RBBP5: variants seen among roughly 807,000 people sequenced by gnomAD.
RBBP5 encodes RB binding protein 5, histone lysine methyltransferase complex subunit, also known as retinoblastoma-binding protein 5.
A neutral mutation model predicts 72.2 loss-of-function variants in RBBP5; 5 were observed. The ratio of observed to expected loss-of-function variants is 0.07; its 90% CI spans 0.04 to 0.15. RBBP5 has a LOEUF of 0.15. RBBP5 is among the 10% of genes least tolerant of loss of function. The pLI, the probability that RBBP5 is intolerant of heterozygous loss-of-function variation, is 1.00. For missense variants in RBBP5, 322 were observed against 652.2 expected (o/e 0.49, Z 5.51); for synonymous variants, 209 against 237.2 (o/e 0.88, Z 1.09).
At position 205,086,881 on chromosome 1, in the gene RBBP5, G is replaced by C. The variant is rs1275076689; in HGVS notation, c.*1906C>G. On this transcript the variant is annotated 3_prime_UTR_variant, in exon 14 of 14. Transcript: ENST00000264515. Reference sequence around the variant, plus strand: ...TTTGCACACTGCTGCAGTGTACAGTGCAGAGGACTGGAATGGATATAATGT... The same window carrying C: ...TTTGCACACTGCTGCAGTGTACAGTCCAGAGGACTGGAATGGATATAATGT... 1 of 152,200 alleles carries C rather than the reference G, an allele frequency of 6.6e-6. No homozygotes were observed. Among genetic ancestry groups the C allele is most frequent in the Admixed American group, 6.5e-5 (1 of 15,272 alleles). 9.4% of individuals were successfully genotyped at this position (152,200 alleles called of 1,614,324 possible). A position where few individuals can be genotyped will look rare whatever the true frequency, so the allele number is the denominator to read the frequency against.
intron 3 of RBBP5, among the ~76,000 whole-genome samples, chr1:205,110,295 C>G (rs1016675273): frequency 5.9e-5 from 9 of 152,156 alleles, no homozygotes; most frequent in Non-Finnish European, 1.0e-4. Context: ...GCTGGGATTA[C>G]AGGCATGAGC....
At position 205,121,835 on chromosome 1, in the gene RBBP5, G is replaced by T; in HGVS notation, c.19+20C>A. The T allele has an allele frequency of 6.2e-7, 1 of 1,612,078 alleles. No individual in the cohort carries two copies. On this transcript the variant is annotated intron_variant, in intron 1 of 13. Transcript: ENST00000264515. ...CCAGTACCCAACGCTTCTCTAAAAC[G>T]CAGCCACAGCCCTTCTCACCCAGCA...
intron 6 of RBBP5, 140 bp downstream of exon 6, chr1:205,101,460 A>G: frequency 1.8e-6 from 1 of 563,382 alleles, no homozygotes; most frequent in South Asian, 3.5e-5. Flanking sequence ...CGAAAACCAG[A>G]TATTGTAAGT....
Position 205,096,738 on chromosome 1 carries a change from G to A in RBBP5, c.1340C>T (p.Pro447Leu), listed in dbSNP as rs781101526. 6.8e-6 allele frequency: 11 copies of A among 1,614,040 alleles called. No homozygotes were observed. Among genetic ancestry groups the A allele is most frequent in the Non-Finnish European group, 9.3e-6 (11 of 1,180,024 alleles). The stretch of plus-strand genomic sequence containing the variant: ...GGTTGTTTTGGGTTTCTTCTTAGGT[G>A]GCTGGGACCCATCTGCTGAGGACTG... The part of the protein sequence containing the change: ...KRQSSADGSQ[P>L]PKKKPKTTNI... The change falls in exon 12 of 14, where the codon CCA (proline) becomes CTA (leucine). Residue 447 changes from proline to leucine, a missense_variant. Physicochemically the swap from Pro to Leu is moderately conservative, Grantham distance 98. Around this residue, in one of 6 missense-constraint regions of RBBP5, gnomAD observed 109 missense variants for 146.3 expected, o/e 0.75. Transcript: ENST00000264515.
intron 2 of RBBP5, 141 bp from the exon 3 acceptor site, chr1:205,115,102 A>T (rs1452024971): frequency 3.4e-5 from 28 of 823,734 alleles, no homozygotes; most frequent in Non-Finnish European, 5.3e-5. Flanking sequence ...GTGTCTTCTT[A>T]TATCTATTAA....
chr1:205,097,070 T>G (rs181852584), intron 11 of RBBP5, among the ~76,000 whole-genome samples, 159 bp from the exon 12 acceptor site: 108 of 152,300 alleles, frequency 7.1e-4, no homozygotes, highest in African/African-American at 2.5e-3. Context: ...AACAATGTAA[T>G]TGATAAAATT....
Position 205,096,799 on chromosome 1 carries a change from A to G in RBBP5, c.1279T>C (p.Leu427=), listed in dbSNP as rs35927235. The stretch of plus-strand genomic sequence containing the variant: ...TCTGAACTAGCCCCTTCATCCATCA[A>G]GGAGGTTTGGACTGCATCCGGTGGG... ...GPPPDAVQTS[L]MDEGASSEKK... Residue 427 remains leucine (L), a synonymous_variant, in exon 12 of 14, where the codon TTG becomes CTG. Coordinates refer to ENST00000264515, the MANE Select transcript of RBBP5 (RefSeq NM_005057.4). 4,034 of 1,614,154 alleles carry G rather than the reference A, an allele frequency of 2.5e-3. 9 individuals carry two copies. Among genetic ancestry groups the G allele is most frequent in the Non-Finnish European group, 2.9e-3 (3,448 of 1,180,026 alleles).
intron 3 of RBBP5, among the ~76,000 whole-genome samples, chr1:205,107,897 G>A (rs1341232936): frequency 7.2e-6 from 1 of 139,186 alleles, no homozygotes; most frequent in African/African-American, 2.7e-5. Context: ...AGTGAGCCGA[G>A]ATCGCGCTAT....
chr1:205,111,073 T>TAA (rs929306687), intron 3 of RBBP5, among the ~76,000 whole-genome samples: 2 of 151,726 alleles, frequency 1.3e-5, no homozygotes, highest in African/African-American at 4.8e-5. Flanking sequence ...CGAAAAAATT[T>TAA]AAAAAAAACA....
chr1:205,106,287 A>T (rs1656062105), intron 3 of RBBP5, among the ~76,000 whole-genome samples: 1 of 152,176 alleles, frequency 6.6e-6, no homozygotes, highest in Admixed American at 6.5e-5. Context: ...GGCCTGCTAA[A>T]CTAAAAGATT....
chr1:205,094,887 C>G lies in RBBP5; in HGVS notation c.1574G>C (p.Ser525Thr), dbSNP rs1364052710. Residue 525 changes from serine to threonine, a missense_variant, in exon 13 of 14, where the codon AGC (serine) becomes ACC (threonine). Ser to Thr is a moderately conservative substitution (Grantham distance 58, BLOSUM62 1). Coordinates refer to ENST00000264515, the MANE Select transcript of RBBP5 (RefSeq NM_005057.4). ...SAKGKVQAEL[S>T]QPLTAGGAIS... ...TGTGTCCTTACCTGTCAAGGGCTGG[C>G]TGAGTTCCGCCTGCACTTTACCCTT... The G allele has an allele frequency of 6.2e-7, 1 of 1,613,718 alleles. No homozygotes were observed. Among genetic ancestry groups the G allele is most frequent in the African/African-American group, 1.3e-5 (1 of 75,034 alleles).
At chr1:205,102,299 C>T (rs1202419157) in intron 5 of RBBP5, among the ~76,000 whole-genome samples, 1 of 152,148 alleles carries the variant, frequency 6.6e-6, no homozygotes, top group African/African-American at 2.4e-5. Flanking sequence ...GTGGTATAAA[C>T]ATAAAATGGA....
chr1:205,105,114 T>C lies in RBBP5; in HGVS notation c.273A>G (p.Ser91=). ...AGTCGCCTGAAAGAACATCCCACTG[T>C]GACACTATGTTATCAGTGGAAGCAC... ...LVSASTDNIV[S]QWDVLSGDCD... The change falls in exon 4 of 14, where the codon TCA becomes TCG. Residue 91 remains serine, a synonymous_variant. Transcript: ENST00000264515. 6.2e-7 allele frequency: 1 copy of C among 1,613,832 alleles called. No individual in the cohort carries two copies. The highest frequency in any genetic ancestry group is 8.5e-7 in the Non-Finnish European group (1 of 1,179,936).
Position 205,121,917 on chromosome 1 carries a change from CCTT to C in RBBP5, c.-47_-45del. 6.2e-7 allele frequency: 1 copy of C among 1,606,950 alleles called. No homozygotes were observed. Among genetic ancestry groups the C allele is most frequent in the Non-Finnish European group, 8.5e-7 (1 of 1,179,816 alleles). On this transcript the variant is annotated 5_prime_UTR_variant, in exon 1 of 14. Coordinates refer to ENST00000264515, the MANE Select transcript of RBBP5 (RefSeq NM_005057.4). ...CCCGGTCTCAGCTCCGGCAACAACA[CCTT>C]CTCCCCGGCCGGCTTCAGCAACTTG...
In RBBP5 at chr1:205,086,739, A is replaced by AT. The variant is rs1432218197; in HGVS notation, c.*2047dup. 1 of 152,164 alleles carries AT rather than the reference A, an allele frequency of 6.6e-6. No homozygotes were observed. Among genetic ancestry groups the AT allele is most frequent in the Non-Finnish European group, 1.5e-5 (1 of 68,024 alleles). 9.4% of individuals were successfully genotyped at this position (152,164 alleles called of 1,614,324 possible). A position where few individuals can be genotyped will look rare whatever the true frequency, so the allele number is the denominator to read the frequency against. Reference sequence around the variant, plus strand: ...AGACAATCTGACAGGGCTGAAGATGATTTTCTCAGTAGCCAGTTTAGGAGG... The same window carrying AT: ...AGACAATCTGACAGGGCTGAAGATGATTTTTCTCAGTAGCCAGTTTAGGAGG... On this transcript the variant is annotated 3_prime_UTR_variant, in exon 14 of 14. Coordinates refer to ENST00000264515, the MANE Select transcript of RBBP5 (RefSeq NM_005057.4).
chr1:205,096,948 AGAG>A, intron 11 of RBBP5, 37 bp from the exon 12 acceptor site: 1 of 1,525,150 alleles, frequency 6.6e-7, no homozygotes, highest in Non-Finnish European at 8.8e-7. Context: ...ATTGGAAAAA[AGAG>A]GAGATAGTTG....
intron 5 of RBBP5, among the ~76,000 whole-genome samples, chr1:205,102,276 C>T (rs1655861556): frequency 6.6e-6 from 1 of 152,062 alleles, no homozygotes; most frequent in African/African-American, 2.4e-5. Context: ...ACAGATAAGC[C>T]ATATAAACAA....
chr1:205,117,390 G>A (rs1656567545), intron 1 of RBBP5, among the ~76,000 whole-genome samples: 1 of 151,974 alleles, frequency 6.6e-6, no homozygotes, highest in African/African-American at 2.4e-5. Context: ...AGCCCGTGTG[G>A]TGGCTCATGC....
Position 205,086,561 on chromosome 1 carries a change from T to C in RBBP5, c.*2226A>G, listed in dbSNP as rs1253954839. On this transcript the variant is annotated 3_prime_UTR_variant, in exon 14 of 14. Coordinates refer to ENST00000264515, the MANE Select transcript of RBBP5 (RefSeq NM_005057.4). The stretch of plus-strand genomic sequence containing the variant: ...CCAGAATATTTTTAAAAACAAAATT[T>C]TGGGGGTGGCAGGGCAGGGATGACA... The C allele has an allele frequency of 6.6e-6, 1 of 152,028 alleles. No individual in the cohort carries two copies. Among genetic ancestry groups the C allele is most frequent in the Non-Finnish European group, 1.5e-5 (1 of 68,036 alleles). 9.4% of individuals were successfully genotyped at this position (152,028 alleles called of 1,614,324 possible).
Sources: gnomAD v4.1 joint callset for allele counts (sites outside exome capture counted in the v4.1 genomes callset) on GRCh38, gnomAD v4.1.1 for gene constraint, gnomAD v4.1.1 regional missense constraint, MANE v1.5 for transcripts, NCBI Gene and HGNC (gene_info 2026-07-23, HGNC 2026-07-21) for gene names.